MMP26: variants seen among roughly 807,000 people sequenced by gnomAD.
The protein encoded by MMP26 is matrix metalloproteinase-26.
In MMP26, 33 loss-of-function variants were observed where a neutral mutation model predicts 31.0. The ratio of observed to expected loss-of-function variants is 1.06; its 90% CI spans 0.81 to 1.42. The LOEUF is 1.42. Among genes scored for constraint, MMP26 ranks in the 40% most tolerant of loss-of-function variants. The pLI is 0.00. For synonymous variants in MMP26, 122 were observed against 114.9 expected (o/e 1.06, Z -0.40); for missense variants, 347 against 316.1 (o/e 1.10, Z -0.74).
At chr11:4,950,773 T>G (rs1416511051) in intron 2 of MMP26, among the ~76,000 whole-genome samples, 1 of 123,372 alleles carries the variant, frequency 8.1e-6, no homozygotes, top group Non-Finnish European at 1.8e-5. Flanking sequence ...GCAATGCACT[T>G]GACTTGCACT....
intron 2 of MMP26, among the ~76,000 whole-genome samples, chr11:4,958,849 C>G (rs948514321): frequency 6.6e-6 from 1 of 152,132 alleles, no homozygotes; most frequent in African/African-American, 2.4e-5. Flanking sequence ...TAGTAATAAA[C>G]ATACCCACAA....
intron 1 of MMP26, among the ~76,000 whole-genome samples, chr11:4,759,135 A>AG (rs1554930481): frequency 2.7e-3 from 388 of 143,734 alleles, no homozygotes; most frequent in African/African-American, 9.7e-3. Flanking sequence ...AAAAAAAAAA[A>AG]GACAAAAAAT....
chr11:4,804,078 G>A (rs1307772393), intron 2 of MMP26: 1 of 1,614,126 alleles, frequency 6.2e-7, no homozygotes, highest in East Asian at 2.2e-5. Flanking sequence ...ACACCTGGAT[G>A]AGGCAGGCAT....
chr11:4,793,590 C>A (rs982098849), intron 2 of MMP26, among the ~76,000 whole-genome samples: 1 of 152,110 alleles, frequency 6.6e-6, no homozygotes, highest in Non-Finnish European at 1.5e-5. Context: ...ATTTTTCATG[C>A]CATAGTTTCC....
intron 2 of MMP26, among the ~76,000 whole-genome samples, chr11:4,958,174 G>A (rs1846469798): frequency 6.6e-6 from 1 of 152,100 alleles, no homozygotes; most frequent in Non-Finnish European, 1.5e-5. Context: ...ACAGCAGCTG[G>A]CACCTCCTAT....
intron 2 of MMP26, chr11:4,769,381 G>A (rs766263111): frequency 6.2e-7 from 1 of 1,614,010 alleles, no homozygotes; most frequent in Non-Finnish European, 8.5e-7. Flanking sequence ...GGTAACAATA[G>A]GAGTGAGAAA....
chr11:4,709,555 C>T, intron 1 of MMP26: 1 of 428,400 alleles, frequency 2.3e-6, no homozygotes, highest in Non-Finnish European at 4.7e-6. Flanking sequence ...AAGACATCTG[C>T]TTCTTCGCTC....
intron 2 of MMP26, among the ~76,000 whole-genome samples, chr11:4,861,332 A>G (rs1012705263): frequency 2.0e-5 from 3 of 150,680 alleles, no homozygotes; most frequent in Non-Finnish European, 3.0e-5. Flanking sequence ...ATAGAAGTAT[A>G]TACAATATAT....
chr11:4,965,705 C>G (rs1227695213), intron 2 of MMP26, among the ~76,000 whole-genome samples: 4 of 152,108 alleles, frequency 2.6e-5, no homozygotes, highest in Non-Finnish European at 5.9e-5. Flanking sequence ...TCTTTCGTTG[C>G]CTTTGAGACA....
At chr11:4,806,921 G>T (rs1470370181) in intron 2 of MMP26, among the ~76,000 whole-genome samples, 1 of 152,032 alleles carries the variant, frequency 6.6e-6, no homozygotes, top group African/African-American at 2.4e-5. Flanking sequence ...ACTTGCCCCT[G>T]TATATCACCC....
At chr11:4,718,237 T>C (rs1197422473) in intron 1 of MMP26, among the ~76,000 whole-genome samples, 1 of 152,222 alleles carries the variant, frequency 6.6e-6, no homozygotes, top group Non-Finnish European at 1.5e-5. Flanking sequence ...TCAGAATCAC[T>C]GCATATATTA....
At chr11:4,842,268 A>C (rs1327882706) in intron 2 of MMP26, among the ~76,000 whole-genome samples, 1 of 152,210 alleles carries the variant, frequency 6.6e-6, no homozygotes, top group Non-Finnish European at 1.5e-5. Flanking sequence ...AGTTGTTATT[A>C]GGTTAAAATA....
chr11:4,931,274 A>G (rs1851343452), intron 2 of MMP26, among the ~76,000 whole-genome samples: 1 of 152,114 alleles, frequency 6.6e-6, no homozygotes, highest in Non-Finnish European at 1.5e-5. Context: ...TGGGTGATCC[A>G]TTGGCATTTA....
intron 2 of MMP26, among the ~76,000 whole-genome samples, chr11:4,780,619 T>A (rs926125405): frequency 6.6e-6 from 1 of 152,156 alleles, no homozygotes; most frequent in Non-Finnish European, 1.5e-5. Flanking sequence ...TTATGGCTAG[T>A]GGAAATGAAA....
intron 2 of MMP26, among the ~76,000 whole-genome samples, chr11:4,980,457 G>A (rs61661806): frequency 5.9e-5 from 9 of 151,656 alleles, no homozygotes; most frequent in African/African-American, 2.2e-4. Context: ...TTGAACACTT[G>A]ACTGCAAGCA....
At chr11:4,802,493 G>A (rs1044067512) in intron 2 of MMP26, among the ~76,000 whole-genome samples, 6 of 152,100 alleles carry the variant, frequency 3.9e-5, no homozygotes, top group African/African-American at 1.4e-4. Context: ...GGGACTGAGA[G>A]GTATGGTATT....
intron 2 of MMP26, among the ~76,000 whole-genome samples, chr11:4,846,571 A>G (rs11034199): frequency 0.22 from 32,739 of 152,192 alleles, 4,578 homozygotes; most frequent in South Asian, 0.34. Flanking sequence ...GATTGTTTAT[A>G]ACACAGAGGA....
chr11:4,808,841 A>G (rs1302750558), intron 2 of MMP26, among the ~76,000 whole-genome samples: 1 of 149,552 alleles, frequency 6.7e-6, no homozygotes, highest in African/African-American at 2.5e-5. Flanking sequence ...GACTGTTGAC[A>G]GGTGCCTCCC....
Position 4,946,234 on chromosome 11 carries a change from G to T in MMP26, c.-144-41834G>T, listed in dbSNP as rs199749360. 3.9e-3 allele frequency: 6,255 copies of T among 1,609,032 alleles called. 497 individuals are homozygous for T. The Admixed American group carries it at 0.083, about 21-fold the overall frequency. ...TAGTTTTTACACAATAAACAATTGG[G>T]TTCGTCAGTGGAGGTACAAGTAGGA... is the stretch of plus-strand genomic sequence containing the variant. On this transcript the variant is annotated intron_variant, in intron 2 of 7. Transcript: ENST00000380390.
Sources: allele counts gnomAD v4.1 joint callset (sites outside exome capture counted in the v4.1 genomes callset), GRCh38; gene constraint gnomAD v4.1.1; transcripts MANE v1.5; gene names NCBI Gene and HGNC (gene_info 2026-07-23, HGNC 2026-07-21).